NUP188: variants seen among roughly 807,000 people sequenced by gnomAD.
The protein encoded by NUP188 is nucleoporin NUP188.
A neutral mutation model predicts 223.0 loss-of-function variants in NUP188; 97 were observed. The ratio of observed to expected loss-of-function variants is 0.43; its 90% confidence interval spans 0.37 to 0.51. The LOEUF (loss-of-function observed/expected upper bound fraction) is 0.51, where lower values mean the gene tolerates loss of function less well. NUP188 is among the 20% of genes least tolerant of loss of function. The pLI, the probability that NUP188 is intolerant of heterozygous loss-of-function variation, is 0.00. For missense variants in NUP188, 1,947 were observed against 2,175.6 expected (o/e 0.89, Z 2.09); for synonymous variants, 869 against 828.0 (o/e 1.05, Z -0.85).
At chr9:128,984,799 A>C in intron 19 of NUP188, 101 bp from the exon 20 acceptor site, 2 of 690,368 alleles carry the variant, frequency 2.9e-6, no homozygotes, top group Admixed American at 6.2e-5. Flanking sequence ...TTTCTATTTT[A>C]TATTCAAGTC....
At chr9:128,991,162 C>CTTTTTTTTTTTTTTTTTTTTTTTTTTTT (rs78549616) in intron 25 of NUP188, among the ~76,000 whole-genome samples, 1 of 123,482 alleles carries the variant, frequency 8.1e-6, no homozygotes. Context: ...CTCCAGATTT[C>CTTTTTTTTTTTTTTTTTTTTTTTTTTTT]TTTTTTTTTT....
At chr9:128,959,636 G>A (rs1273825533) in intron 8 of NUP188, among the ~76,000 whole-genome samples, 1 of 147,724 alleles carries the variant, frequency 6.8e-6, no homozygotes, top group Non-Finnish European at 1.5e-5. Flanking sequence ...GGGTTCAAGT[G>A]ATTCTACTGC....
intron 22 of NUP188, among the ~76,000 whole-genome samples, chr9:128,987,088 A>AGAGAGAGAGAGTGTGTGT (rs1450678206): frequency 8.8e-6 from 1 of 113,262 alleles, no homozygotes; most frequent in Non-Finnish European, 1.8e-5. Flanking sequence ...AGAGAGAGAG[A>AGAGAGAGAGAGTGTGTGT]GTGTGTGTGT....
Position 128,981,296 on chromosome 9 carries a change from C to T in NUP188, c.1422C>T (p.Tyr474=). 6.2e-7 allele frequency: 1 copy of T among 1,613,862 alleles called. No individual in the cohort carries two copies. Among genetic ancestry groups the T allele is most frequent in the Non-Finnish European group, 8.5e-7 (1 of 1,179,864 alleles). The part of the protein sequence containing the change: ...VYSFLDKMSF[Y]NELYKHKPHD... ...GCTTCTTGGATAAGATGTCTTTCTA[C>T]AATGAACTTTATAAACACAAGCCTC... The change falls in exon 15 of 44, where the codon TAC becomes TAT. Residue 474 remains tyrosine (Y), a synonymous_variant. Coordinates refer to ENST00000372577, the MANE Select transcript of NUP188 (RefSeq NM_015354.3).
rs1452303347 is a variant in NUP188 at position 128,958,023 on chromosome 9, A to T, written c.341A>T (p.Asp114Val). ...TTTTCTTTTCAGACAGTACTGCAAG[A>T]TGAGAGGCAGAGCCAGGCCTTAATC... ...TRDSVKTVLQDERQSQALILK... is the reference protein window; with the variant it reads ...TRDSVKTVLQVERQSQALILK... Residue 114 changes from aspartate to valine, a missense_variant, in exon 6 of 44, where the codon GAT becomes GTT. Transcript: ENST00000372577. The T allele has an allele frequency of 6.2e-7, 1 of 1,613,228 alleles. No individual in the cohort carries two copies. Among genetic ancestry groups the T allele is most frequent in the African/African-American group, 1.3e-5 (1 of 74,924 alleles).
rs753186008 is a variant in NUP188, at chr9:128,949,172, GT to G, written c.33-15del. The G allele has an allele frequency of 8.7e-5, 140 of 1,604,820 alleles. No individual in the cohort carries two copies. Among genetic ancestry groups the G allele is most frequent in the Non-Finnish European group, 1.0e-4 (119 of 1,172,578 alleles). On this transcript the variant is annotated splice_polypyrimidine_tract_variant and intron_variant, in intron 1 of 43. Transcript: ENST00000372577. ...GATCAGAAAGAGCAAAATTACCTCT[GT>G]TCTCTCATTTTGCAGGAGCAGTAGA...
chr9:128,967,466 G>A (rs949887680), intron 8 of NUP188, among the ~76,000 whole-genome samples: 3 of 152,038 alleles, frequency 2.0e-5, no homozygotes, highest in Non-Finnish European at 4.4e-5. Context: ...ACCAGCCCTG[G>A]CAACATAGCA....
intron 38 of NUP188, chr9:129,004,655 C>A (rs1375943987): frequency 6.4e-6 from 1 of 156,196 alleles, no homozygotes; most frequent in Admixed American, 6.1e-5. Context: ...CAGGCGCCCG[C>A]CACCACGCCC....
chr9:128,981,306 T>A lies in NUP188; in HGVS notation c.1432T>A (p.Tyr478Asn), dbSNP rs61733522. ...LDKMSFYNEL[Y>N]KHKPHDVISH... ...TAAGATGTCTTTCTACAATGAACTT[T>A]ATAAACACAAGCCTCATGATGTGAT... is the stretch of plus-strand genomic sequence containing the variant. Residue 478 changes from tyrosine to asparagine, a missense_variant, in exon 15 of 44, where the codon TAT becomes AAT. Tyr to Asn is a moderately radical substitution (Grantham distance 143). Coordinates refer to ENST00000372577, the MANE Select transcript of NUP188 (RefSeq NM_015354.3). 1 of 1,614,126 alleles carries A rather than the reference T, an allele frequency of 6.2e-7. No individual in the cohort carries two copies. Among genetic ancestry groups the A allele is most frequent in the Admixed American group, 1.7e-5 (1 of 60,020 alleles).
intron 30 of NUP188, 29 bp from the exon 31 acceptor site, chr9:128,998,122 A>C (rs747821515): frequency 1.1e-5 from 17 of 1,589,766 alleles, no homozygotes; most frequent in Non-Finnish European, 1.2e-5. Flanking sequence ...AAATTTTCCC[A>C]GCTGAAACCT....
chr9:128,971,408 C>CTTGT (rs367882897), intron 11 of NUP188, among the ~76,000 whole-genome samples: 59 of 152,072 alleles, frequency 3.9e-4, no homozygotes, highest in South Asian at 8.3e-4. Context: ...GTTTAGAGAG[C>CTTGT]TTGTTTGTTT....
At chr9:128,986,432 T>TC in intron 20 of NUP188, 126 bp from the exon 21 acceptor site, 1 of 997,778 alleles carries the variant, frequency 1.0e-6, no homozygotes, top group South Asian at 1.8e-5. Flanking sequence ...TTCTTTTTTT[T>TC]CATTGATGAC....
intron 24 of NUP188, 146 bp from the exon 25 acceptor site, chr9:128,989,974 C>T: frequency 1.5e-6 from 1 of 671,898 alleles, no homozygotes. Context: ...GAGAAGGATA[C>T]AGCCACCTAG....
chr9:128,949,098 C>A, intron 1 of NUP188, 91 bp from the exon 2 acceptor site: 1 of 884,978 alleles, frequency 1.1e-6, no homozygotes, highest in Non-Finnish European at 1.8e-6. Flanking sequence ...AGATTTTTTG[C>A]TTTTAGAGAG....
rs750506055 is a variant in NUP188, at chr9:129,002,936, C to G, written c.4257C>G (p.Ala1419=). 6.2e-7 allele frequency: 1 copy of G among 1,614,188 alleles called. No individual in the cohort carries two copies. Among genetic ancestry groups the G allele is most frequent in the Non-Finnish European group, 8.5e-7 (1 of 1,180,034 alleles). The change falls in exon 37 of 44, where the codon GCC becomes GCG. Residue 1419 remains alanine (A), a synonymous_variant. Transcript: ENST00000372577. The stretch of plus-strand genomic sequence containing the variant: ...TGCGCTACAACTTCCTGCCTGAGGC[C>G]CTGGACTTCGTGGGTGTCCACCAGG... ...KTLRYNFLPE[A]LDFVGVHQER... is the part of the protein sequence containing the mutation.
chr9:128,973,121 A>G (rs1272041966), intron 11 of NUP188, 39 bp from the exon 12 acceptor site: 1 of 1,323,598 alleles, frequency 7.6e-7, no homozygotes, highest in Non-Finnish European at 1.1e-6. Flanking sequence ...GAAGAGTTGT[A>G]TTACTCAGAA....
At position 128,999,162 on chromosome 9, in the gene NUP188, T is replaced by C; in HGVS notation, c.3516-10T>C. ...GCCACCACGCCTGGCCCACCCAGTA[T>C]TCTTTCTAGAGAGTTAGGTTCTGTG... On this transcript the variant is annotated splice_polypyrimidine_tract_variant and intron_variant, in intron 32 of 43. Transcript: ENST00000372577. The C allele has an allele frequency of 2.5e-6, 4 of 1,613,474 alleles. No individual in the cohort carries two copies. The highest frequency in any genetic ancestry group is 3.4e-6 in the Non-Finnish European group (4 of 1,179,588).
At chr9:128,951,635 G>A (rs1841787946) in intron 2 of NUP188, among the ~76,000 whole-genome samples, 1 of 152,106 alleles carries the variant, frequency 6.6e-6, no homozygotes, top group African/African-American at 2.4e-5. Context: ...TGTTTATCAA[G>A]ACTTTCATAA....
At chr9:128,986,265 C>T in intron 20 of NUP188, among the ~76,000 whole-genome samples, 1 of 152,128 alleles carries the variant, frequency 6.6e-6, no homozygotes, top group East Asian at 1.9e-4. Context: ...CAGCAATCCT[C>T]TATCCTTTAT....
Sources: allele counts gnomAD v4.1 joint callset (sites outside exome capture counted in the v4.1 genomes callset), GRCh38; gene constraint gnomAD v4.1.1; transcripts MANE v1.5; gene names NCBI Gene and HGNC (gene_info 2026-07-23, HGNC 2026-07-21).